The following GPHN variants were observed in gnomAD, a reference collection of about 807,000 sequenced individuals.
GPHN encodes gephyrin.
GPHN carries 17 observed loss-of-function variants against 95.5 expected under a neutral mutation model. The ratio of observed to expected loss-of-function variants is 0.18; its 90% CI spans 0.12 to 0.27. GPHN has a LOEUF of 0.27. Among genes scored for constraint, GPHN ranks in the 10% least tolerant of loss-of-function variants. The pLI is 1.00. For synonymous variants in GPHN, 320 were observed against 322.5 expected (o/e 0.99, Z 0.08); for missense variants, 660 against 978.1 (o/e 0.67, Z 4.34).
chr14:66,814,041 C>G (rs1336866678), intron 3 of GPHN, among the ~76,000 whole-genome samples: 1 of 152,206 alleles, frequency 6.6e-6, no homozygotes, highest in Non-Finnish European at 1.5e-5. Context: ...TGATGCATGT[C>G]TACACAGGTG....
At chr14:67,095,280 A>G (rs1310944998) in intron 12 of GPHN, among the ~76,000 whole-genome samples, 1 of 152,136 alleles carries the variant, frequency 6.6e-6, no homozygotes, top group Non-Finnish European at 1.5e-5. Context: ...TAATCCATGG[A>G]CCAGCAGCCT....
At chr14:67,334,097 A>C in the GPHN span, 3 of 152,596 alleles carry the variant, frequency 2.0e-5, no homozygotes, top group African/African-American at 7.2e-5. Flanking sequence ...ATCAAAAGGA[A>C]GGGAAGACCT....
intron 3 of GPHN, among the ~76,000 whole-genome samples, chr14:66,807,544 A>G (rs767422770): frequency 1.3e-5 from 2 of 152,180 alleles, no homozygotes; most frequent in Non-Finnish European, 2.9e-5. Flanking sequence ...CTATAAACTC[A>G]CTAAGAATCA....
the GPHN span, among the ~76,000 whole-genome samples, chr14:67,629,139 G>A: frequency 6.6e-6 from 1 of 152,138 alleles, no homozygotes; most frequent in African/African-American, 2.4e-5. Flanking sequence ...TTTGAGACCA[G>A]CCTGGGCAAC....
chr14:66,564,364 TA>T (rs1160588934), intron 1 of GPHN, among the ~76,000 whole-genome samples: 1 of 152,098 alleles, frequency 6.6e-6, no homozygotes, highest in Non-Finnish European at 1.5e-5. Context: ...AGTCACTGAA[TA>T]AAAAAATTTT....
At chr14:67,308,356 G>A in the GPHN span, among the ~76,000 whole-genome samples, 10 of 146,386 alleles carry the variant, frequency 6.8e-5, no homozygotes, top group South Asian at 1.7e-3. Context: ...TTTTGAGGGC[G>A]TCACCAATGT....
the GPHN span, among the ~76,000 whole-genome samples, chr14:67,464,778 G>T: frequency 6.6e-6 from 1 of 152,084 alleles, no homozygotes; most frequent in Non-Finnish European, 1.5e-5. Flanking sequence ...TGTTATTTTC[G>T]CAAGTTCTGT....
intron 3 of GPHN, among the ~76,000 whole-genome samples, chr14:66,821,339 A>T (rs1021300530): frequency 2.6e-5 from 4 of 152,186 alleles, no homozygotes; most frequent in Non-Finnish European, 4.4e-5. Flanking sequence ...ACCTTGAGGT[A>T]TCTTTCTTAA....
chr14:66,905,908 A>C (rs2065355563), intron 5 of GPHN, among the ~76,000 whole-genome samples: 1 of 151,810 alleles, frequency 6.6e-6, no homozygotes, highest in Admixed American at 6.6e-5. Flanking sequence ...GACATGATTT[A>C]ATTCCTTTTA....
intron 1 of GPHN, among the ~76,000 whole-genome samples, chr14:66,562,865 C>CTG (rs935713114): frequency 9.9e-5 from 15 of 151,130 alleles, no homozygotes; most frequent in African/African-American, 2.2e-4. Flanking sequence ...GATTTTGTGT[C>CTG]TGTGTGTGTG....
At chr14:67,548,960 G>A in the GPHN span, among the ~76,000 whole-genome samples, 103 of 152,276 alleles carry the variant, frequency 6.8e-4, no homozygotes, top group Admixed American at 1.3e-3. Context: ...GAGAACAATG[G>A]ATGTTGCTCC....
intron 12 of GPHN, 40 bp downstream of exon 12, chr14:67,089,115 ATTTTTTTTTCTTTTTTTCTTTTTTT>A (rs764316568): frequency 3.1e-4 from 114 of 363,278 alleles, no homozygotes; most frequent in African/African-American, 2.5e-3. Context: ...CAGGCACTGT[ATTTTTTTTTCTTTTTTTCTTTTTTT>A]TTTTTTTTTT....
chr14:67,254,033 C>CA, the GPHN span, among the ~76,000 whole-genome samples: 4 of 143,082 alleles, frequency 2.8e-5, no homozygotes, highest in South Asian at 9.4e-4. Flanking sequence ...CATCCCCCCC[C>CA]CCTTACAAGT....
the GPHN span, among the ~76,000 whole-genome samples, chr14:67,286,875 GA>G: frequency 0.014 from 1,822 of 133,816 alleles, 44 homozygotes; most frequent in Admixed American, 0.053. Context: ...AAAAAAAAAA[GA>G]AAAAAACTGT....
At chr14:67,180,678 T>G in intron 22 of GPHN, 126 bp from the exon 23 acceptor site, 1 of 865,966 alleles carries the variant, frequency 1.2e-6, no homozygotes, top group East Asian at 2.6e-5. Context: ...TACTGGAAAG[T>G]TTGATCATCC....
the GPHN span, among the ~76,000 whole-genome samples, chr14:67,488,905 T>C: frequency 6.6e-6 from 1 of 152,194 alleles, no homozygotes; most frequent in Non-Finnish European, 1.5e-5. Flanking sequence ...CTGCAGGCTT[T>C]TTCCCCAGGA....
intron 4 of GPHN, among the ~76,000 whole-genome samples, chr14:66,836,722 A>G (rs1384937100): frequency 1.3e-5 from 2 of 150,748 alleles, no homozygotes; most frequent in South Asian, 4.2e-4. Flanking sequence ...TCCAGAATCT[A>G]CAATGAACTC....
At chr14:66,748,226 A>G (rs1006103502) in intron 2 of GPHN, among the ~76,000 whole-genome samples, 6 of 152,104 alleles carry the variant, frequency 3.9e-5, no homozygotes, top group African/African-American at 1.4e-4. Flanking sequence ...TACTTTTACT[A>G]TAGTACTTAT....
the GPHN span, chr14:67,323,785 A>T: frequency 6.3e-7 from 1 of 1,590,650 alleles, no homozygotes; most frequent in Non-Finnish European, 8.6e-7. Flanking sequence ...TTCGGGCATT[A>T]TTGGCCAAAG....
Sources: allele counts gnomAD v4.1 joint callset (sites outside exome capture counted in the v4.1 genomes callset), GRCh38; gene constraint gnomAD v4.1.1; transcripts MANE v1.5; gene names NCBI Gene and HGNC (gene_info 2026-07-23, HGNC 2026-07-21).